Variants in CLYBL observed in about 807,000 individuals in gnomAD.
CLYBL encodes citramalyl-CoA lyase, mitochondrial.
CLYBL carries 31 observed loss-of-function variants against 38.9 expected under a neutral mutation model. The ratio of observed to expected loss-of-function variants is 0.80; its 90% CI spans 0.60 to 1.08. The LOEUF is 1.08. Ranked by LOEUF, CLYBL falls within the 50% of genes least tolerant of loss-of-function variation. The pLI, the probability that CLYBL is intolerant of heterozygous loss-of-function variation, is 0.00. For missense variants in CLYBL, 434 were observed against 411.6 expected (o/e 1.05, Z -0.47); for synonymous variants, 171 against 158.6 (o/e 1.08, Z -0.59).
At chr13:99,902,929 T>C (rs2052657527) in intron 8 of CLYBL, among the ~76,000 whole-genome samples, 1 of 152,380 alleles carries the variant, frequency 6.6e-6, no homozygotes, top group Non-Finnish European at 1.5e-5. Context: ...TTCAAATAAA[T>C]ATCTTTTAGG....
At chr13:99,786,317 A>G (rs890129979) in intron 2 of CLYBL, among the ~76,000 whole-genome samples, 1 of 149,486 alleles carries the variant, frequency 6.7e-6, no homozygotes, top group Non-Finnish European at 1.5e-5. Flanking sequence ...TTAACTTGTC[A>G]TTTACATTAG....
At chr13:99,824,257 G>GCCTC (rs2050646417) in intron 2 of CLYBL, among the ~76,000 whole-genome samples, 7 of 130,408 alleles carry the variant, frequency 5.4e-5, no homozygotes, top group African/African-American at 1.2e-4. Context: ...CTGACTAATA[G>GCCTC]CCCCCCCCAC....
intron 1 of CLYBL, among the ~76,000 whole-genome samples, chr13:99,618,209 T>C (rs1320807786): frequency 1.3e-5 from 2 of 152,206 alleles, no homozygotes; most frequent in Non-Finnish European, 2.9e-5. Context: ...TTTTGAGTGT[T>C]TCTAAAGATT....
intron 1 of CLYBL, among the ~76,000 whole-genome samples, chr13:99,708,183 G>A (rs1053863513): frequency 2.0e-5 from 3 of 152,092 alleles, no homozygotes; most frequent in Admixed American, 2.0e-4. Context: ...GTTTCACCAT[G>A]TTGGCCAGGC....
At chr13:99,789,418 A>G in intron 2 of CLYBL, among the ~76,000 whole-genome samples, 1 of 152,232 alleles carries the variant, frequency 6.6e-6, no homozygotes. Context: ...CATTGGTTTC[A>G]AAGAACATCT....
intron 2 of CLYBL, among the ~76,000 whole-genome samples, chr13:99,782,374 G>T (rs1004936033): frequency 6.6e-6 from 1 of 152,090 alleles, no homozygotes; most frequent in Non-Finnish European, 1.5e-5. Flanking sequence ...GGGCGTGGTG[G>T]TGCGCACCTG....
chr13:99,803,358 T>A (rs2050171965), intron 2 of CLYBL, among the ~76,000 whole-genome samples: 1 of 152,246 alleles, frequency 6.6e-6, no homozygotes, highest in Admixed American at 6.5e-5. Flanking sequence ...TGAATGGGCA[T>A]CCTTGATGAC....
At chr13:99,621,366 G>A (rs896289895) in intron 1 of CLYBL, among the ~76,000 whole-genome samples, 1 of 152,096 alleles carries the variant, frequency 6.6e-6, no homozygotes, top group African/African-American at 2.4e-5. Context: ...CGAGTCATCA[G>A]TGCCACTTCC....
Position 99,891,162 on chromosome 13 carries a change from TC to T in CLYBL, c.928-154del, listed in dbSNP as rs760998777. ...TCTTTAGGGGGAAAAAAGAAGTGTTTCCTCTGTAATTTACTTTGGCTTTCTC... is the reference window on the plus strand; with the variant it reads ...TCTTTAGGGGGAAAAAAGAAGTGTTTCTCTGTAATTTACTTTGGCTTTCTC... On this transcript the variant is annotated intron_variant, in intron 7 of 8. Coordinates refer to ENST00000339105, the MANE Select transcript of CLYBL (RefSeq NM_206808.5). 2.6e-5 allele frequency among the ~76,000 whole-genome samples: 4 copies of T among 152,166 alleles called. No individual in the cohort carries two copies. In the East Asian group the frequency reaches 7.7e-4, roughly 29 times the overall value.
chr13:99,653,120 G>A (rs1288294409), intron 1 of CLYBL, among the ~76,000 whole-genome samples: 3 of 152,192 alleles, frequency 2.0e-5, no homozygotes, highest in South Asian at 2.1e-4. Context: ...AAGCCAATCT[G>A]AAGGGCAAGG....
chr13:99,808,211 G>T (rs879598679), intron 2 of CLYBL, among the ~76,000 whole-genome samples: 22 of 152,140 alleles, frequency 1.4e-4, no homozygotes, highest in Admixed American at 8.5e-4. Context: ...TCAGCCTCCT[G>T]AGTAGCTGGG....
intron 2 of CLYBL, among the ~76,000 whole-genome samples, chr13:99,832,438 A>G (rs1594209774): frequency 1.3e-5 from 2 of 152,164 alleles, no homozygotes; most frequent in East Asian, 1.9e-4. Context: ...AATACTTACA[A>G]CCTGGTACCC....
At chr13:99,726,022 A>G (rs1342433383) in intron 1 of CLYBL, among the ~76,000 whole-genome samples, 2 of 152,044 alleles carry the variant, frequency 1.3e-5, no homozygotes, top group Non-Finnish European at 2.9e-5. Flanking sequence ...GTTGATTTTC[A>G]TGAATGTATA....
intron 7 of CLYBL, among the ~76,000 whole-genome samples, chr13:99,877,294 G>A (rs1409612139): frequency 6.6e-6 from 1 of 152,288 alleles, no homozygotes; most frequent in East Asian, 1.9e-4. Context: ...GGATCATTTT[G>A]TTCCTTGGAC....
At chr13:99,805,423 G>T (rs1240186784) in intron 2 of CLYBL, among the ~76,000 whole-genome samples, 2 of 151,958 alleles carry the variant, frequency 1.3e-5, no homozygotes, top group Non-Finnish European at 2.9e-5. Context: ...GAAAGCGTGA[G>T]TGTCCAGAGC....
At chr13:99,867,396 TAA>T (rs892474120) in intron 6 of CLYBL, among the ~76,000 whole-genome samples, 3 of 152,160 alleles carry the variant, frequency 2.0e-5, no homozygotes, top group Non-Finnish European at 2.9e-5. Context: ...TAGTCCAAAA[TAA>T]AACTGAATGA....
intron 2 of CLYBL, among the ~76,000 whole-genome samples, chr13:99,819,405 T>C (rs1159372875): frequency 9.0e-6 from 1 of 111,390 alleles, no homozygotes; most frequent in African/African-American, 3.3e-5. Context: ...GTATTATCAC[T>C]GGGAAAAAAT....
rs369323296 is a variant in CLYBL, at chr13:99,902,433, T to C, written c.*25-2837T>C. On this transcript the variant is annotated intron_variant and NMD_transcript_variant, in intron 8 of 9. Coordinates refer to the CLYBL transcript ENST00000689673. ...GTTTTCAAAATAAATAGCCAATGAA[T>C]GGGCTATGAATTTGCATGCACACTG... Among the ~76,000 whole-genome samples, 241 of 152,344 alleles carry C rather than the reference T, an allele frequency of 1.6e-3. 6 individuals are homozygous for C. The South Asian group carries it at 0.048, about 30-fold the overall frequency.
At chr13:99,859,158 G>A (rs2051536602) in intron 3 of CLYBL, 109 bp downstream of exon 3, 1 of 771,216 alleles carries the variant, frequency 1.3e-6, no homozygotes. Flanking sequence ...AGAGCAGAGA[G>A]GAAGGGAATT....
Sources: gnomAD v4.1 joint callset for allele counts (sites outside exome capture counted in the v4.1 genomes callset) on GRCh38, gnomAD v4.1.1 for gene constraint, MANE v1.5 for transcripts, NCBI Gene and HGNC (gene_info 2026-07-23, HGNC 2026-07-21) for gene names.